ZNF90: variants seen among roughly 807,000 people sequenced by gnomAD.
ZNF90 encodes zinc finger protein 90.
ZNF90 carries 11 observed loss-of-function variants against 12.0 expected under a neutral mutation model. That is an observed-to-expected ratio of 0.92 (90% CI 0.58 to 1.52). The LOEUF is 1.52. Among genes scored for constraint, ZNF90 ranks in the 40% most tolerant of loss-of-function variants. The probability of loss-of-function intolerance (pLI) is 0.00; values close to 1 mark genes in which losing one functional copy is unlikely to be tolerated. For synonymous variants in ZNF90, 232 were observed against 240.1 expected (o/e 0.97, Z 0.31); for missense variants, 765 against 711.5 (o/e 1.08, Z -0.86).
intron 1 of ZNF90, among the ~76,000 whole-genome samples, chr19:20,085,668 G>A (rs371712661): frequency 4.6e-5 from 7 of 152,276 alleles, no homozygotes; most frequent in African/African-American, 1.7e-4. Flanking sequence ...AATTTCAGAT[G>A]TCCAAGAGTT....
chr19:20,110,356 G>A (rs1040817006), intron 3 of ZNF90, among the ~76,000 whole-genome samples: 3 of 151,958 alleles, frequency 2.0e-5, no homozygotes, highest in Non-Finnish European at 2.9e-5. Flanking sequence ...TTGGCTCACT[G>A]CAACCCCTGC....
At chr19:20,106,038 T>TTTTTTC (rs2089033037) in intron 3 of ZNF90, among the ~76,000 whole-genome samples, 1 of 93,696 alleles carries the variant, frequency 1.1e-5, no homozygotes, top group Admixed American at 1.2e-4. Flanking sequence ...ACTTCTCTAA[T>TTTTTTC]TTTTTCTTTT....
At chr19:20,085,458 C>T (rs2088852253) in intron 1 of ZNF90, among the ~76,000 whole-genome samples, 1 of 151,808 alleles carries the variant, frequency 6.6e-6, no homozygotes, top group African/African-American at 2.4e-5. Flanking sequence ...GATGGGGTTT[C>T]ACCGGGCTAG....
In ZNF90 at chr19:20,119,917, A is replaced by T. The variant is rs1555706394; in HGVS notation, c.*557A>T. ...TCAGTTCTTAAGAGACATGGTGATAATTCATGCTGAAGAGGAACTTTACAA... is the reference window on the plus strand; with the variant it reads ...TCAGTTCTTAAGAGACATGGTGATATTTCATGCTGAAGAGGAACTTTACAA... On this transcript the variant is annotated 3_prime_UTR_variant, in exon 4 of 4. Transcript: ENST00000418063. Among the ~76,000 whole-genome samples, 1 of 152,206 alleles carries T rather than the reference A, an allele frequency of 6.6e-6. No individual in the cohort carries two copies. Among genetic ancestry groups the T allele is most frequent in the Admixed American group, 6.5e-5 (1 of 15,282 alleles).
chr19:20,094,863 G>A (rs915047589), intron 1 of ZNF90, among the ~76,000 whole-genome samples: 2 of 152,184 alleles, frequency 1.3e-5, no homozygotes, highest in Non-Finnish European at 2.9e-5. Flanking sequence ...AAAGGTACAT[G>A]TACCCTGACT....
chr19:20,090,911 C>T (rs544816026), intron 1 of ZNF90, among the ~76,000 whole-genome samples: 27 of 152,184 alleles, frequency 1.8e-4, no homozygotes, highest in Middle Eastern at 3.4e-3. Context: ...ACCATTAGTC[C>T]GTTCTACCTT....
chr19:20,096,421 T>G (rs1349843337), intron 1 of ZNF90, among the ~76,000 whole-genome samples: 2 of 152,006 alleles, frequency 1.3e-5, no homozygotes, highest in Non-Finnish European at 2.9e-5. Flanking sequence ...GTGGGCTGAT[T>G]CCGAAAAGAG....
chr19:20,085,228 G>A (rs1274373985), intron 1 of ZNF90, among the ~76,000 whole-genome samples: 1 of 150,332 alleles, frequency 6.7e-6, no homozygotes, highest in African/African-American at 2.5e-5. Flanking sequence ...GCGGTAGGAG[G>A]GTGGCATTAT....
At chr19:20,092,216 A>C (rs2088908378) in intron 1 of ZNF90, among the ~76,000 whole-genome samples, 2 of 152,186 alleles carry the variant, frequency 1.3e-5, no homozygotes, top group Non-Finnish European at 2.9e-5. Context: ...TATATGTGTC[A>C]GGTGTGAGGA....
intron 1 of ZNF90, among the ~76,000 whole-genome samples, chr19:20,093,775 C>A: frequency 6.6e-6 from 1 of 152,174 alleles, no homozygotes; most frequent in South Asian, 2.1e-4. Context: ...GGGTAGCCCC[C>A]GTATCGATTA....
intron 3 of ZNF90, among the ~76,000 whole-genome samples, chr19:20,117,252 C>T (rs2089146237): frequency 6.6e-6 from 1 of 152,028 alleles, no homozygotes; most frequent in Non-Finnish European, 1.5e-5. Context: ...TGATGTTGGT[C>T]AGGCTGGTCT....
At chr19:20,097,748 T>C (rs1212261346) in intron 1 of ZNF90, among the ~76,000 whole-genome samples, 2 of 152,244 alleles carry the variant, frequency 1.3e-5, no homozygotes, top group African/African-American at 4.8e-5. Context: ...AAAGTGCAAG[T>C]ACTTTTTCTC....
rs1414119582 is a variant in ZNF90 at position 20,119,447 on chromosome 19, C to T, written c.*87C>T. 8 of 1,092,282 alleles carry T rather than the reference C, an allele frequency of 7.3e-6. No homozygotes were observed. The highest frequency in any genetic ancestry group is 3.2e-5 in the African/African-American group (2 of 62,692). 67.7% of individuals were successfully genotyped at this position (1,092,282 alleles called of 1,614,324 possible). ...TGATGACTGTTGGAAAGCCTTTGAC[C>T]ACCCCTCTACTCTTACTAAATATGA... On this transcript the variant is annotated 3_prime_UTR_variant, in exon 4 of 4. Transcript: ENST00000418063.
At chr19:20,090,746 C>T (rs1430136531) in intron 1 of ZNF90, among the ~76,000 whole-genome samples, 4 of 152,052 alleles carry the variant, frequency 2.6e-5, no homozygotes, top group African/African-American at 9.7e-5. Context: ...GAGGCTGGGG[C>T]CAAGCAAGAA....
chr19:20,102,784 AC>A (rs1161399317), intron 1 of ZNF90, among the ~76,000 whole-genome samples: 1 of 152,220 alleles, frequency 6.6e-6, no homozygotes, highest in Non-Finnish European at 1.5e-5. Flanking sequence ...TCTATGCAGA[AC>A]AGGATTAAGA....
At chr19:20,116,992 AAAAG>A (rs1254124250) in intron 3 of ZNF90, among the ~76,000 whole-genome samples, 46 of 149,186 alleles carry the variant, frequency 3.1e-4, no homozygotes, top group African/African-American at 9.7e-4. Flanking sequence ...AAAAAAAAAA[AAAAG>A]AATTGGCAAC....
Position 20,118,813 on chromosome 19 carries a change from C to A in ZNF90, c.1259C>A (p.Thr420Asn), listed in dbSNP as rs782342987. The change falls in exon 4 of 4, where the codon ACT becomes AAT. Residue 420 changes from threonine (T) to asparagine (N), a missense_variant. Thr to Asn is a moderately conservative substitution (Grantham distance 65). Coordinates refer to ENST00000418063, the MANE Select transcript of ZNF90 (RefSeq NM_007138.2). ...CTTACTATACATAAGATAAGTCATA[C>A]TGAAGAGAAACCCTACAAATGTCAA... ...STLTIHKISH[T>N]EEKPYKCQEC... 6.2e-7 allele frequency: 1 copy of A among 1,603,466 alleles called. No individual in the cohort carries two copies. Among genetic ancestry groups the A allele is most frequent in the Non-Finnish European group, 8.5e-7 (1 of 1,174,792 alleles).
At chr19:20,104,437 T>A in intron 2 of ZNF90, 72 bp downstream of exon 2, 1 of 1,512,574 alleles carries the variant, frequency 6.6e-7, no homozygotes, top group South Asian at 1.3e-5. Flanking sequence ...GTGGAATGAT[T>A]TTTAGTAATG....
chr19:20,108,731 C>CTTTTT lies in ZNF90; in HGVS notation c.226+3429_226+3433dup, dbSNP rs10626180. 3.8e-4 allele frequency among the ~76,000 whole-genome samples: 45 copies of CTTTTT among 119,930 alleles called. 2 individuals are homozygous for CTTTTT. The highest frequency in any genetic ancestry group is 5.2e-4 in the South Asian group (2 of 3,842). 78.7% of individuals were successfully genotyped at this position (119,930 alleles called of 152,430 possible). On this transcript the variant is annotated intron_variant, in intron 3 of 3. Transcript: ENST00000418063. ...GTGTGTTTCTTCAGTGTAGGTTTCT[C>CTTTTT]TTTTTTTTTTTTTTTTTTGAGATGG... is the stretch of plus-strand genomic sequence containing the variant.
Sources: gnomAD v4.1 joint callset for allele counts (sites outside exome capture counted in the v4.1 genomes callset) on GRCh38, gnomAD v4.1.1 for gene constraint, MANE v1.5 for transcripts, NCBI Gene and HGNC (gene_info 2026-07-23, HGNC 2026-07-21) for gene names.